THRAP3: variants seen among roughly 807,000 people sequenced by gnomAD.
THRAP3 encodes the protein thyroid hormone receptor-associated protein 3.
Under a neutral mutation model 101.0 loss-of-function variants are expected in THRAP3, and 16 were observed. That is an observed-to-expected ratio of 0.16 (90% CI 0.11 to 0.24). The LOEUF (loss-of-function observed/expected upper bound fraction) is 0.24. THRAP3 is among the 10% of genes least tolerant of loss of function. The probability of loss-of-function intolerance (pLI) is 1.00; values close to 1 mark genes in which losing one functional copy is unlikely to be tolerated. For missense variants in THRAP3, 989 were observed against 1,202.7 expected (o/e 0.82, Z 2.63); for synonymous variants, 407 against 422.6 (o/e 0.96, Z 0.45).
In THRAP3 at chr1:36,293,892, T is replaced by C. The variant is rs199905984; in HGVS notation, c.2072T>C (p.Leu691Ser). ...CCCAGTACATTCAGAAAACATGGTT[T>C]GGCTCATGATGAAATGAAAAGTCCC... ...ISPSTFRKHG[L>S]AHDEMKSPRE... The change falls in exon 8 of 12, where the codon TTG becomes TCG. Residue 691 changes from leucine (L) to serine (S), a missense_variant. Physicochemically the swap from Leu to Ser is moderately radical, Grantham distance 145. Coordinates refer to ENST00000354618, the MANE Select transcript of THRAP3 (RefSeq NM_005119.4). 6.2e-7 allele frequency: 1 copy of C among 1,613,886 alleles called. No homozygotes were observed. The highest frequency in any genetic ancestry group is 1.7e-5 in the Admixed American group (1 of 60,006).
chr1:36,288,126 GC>G, intron 4 of THRAP3: 1 of 984,288 alleles, frequency 1.0e-6, no homozygotes, highest in Non-Finnish European at 1.2e-6. Context: ...ATCTGTACTT[GC>G]CTTCAGTAAG....
the THRAP3 span, among the ~76,000 whole-genome samples, chr1:36,215,977 G>A: frequency 2.6e-5 from 4 of 151,892 alleles, no homozygotes; most frequent in Middle Eastern, 3.4e-3. Context: ...TCAAACTCCC[G>A]ACCTCAGGTG....
intron 2 of THRAP3, among the ~76,000 whole-genome samples, chr1:36,266,850 A>ATATTTATT (rs71796650): frequency 0.075 from 10,862 of 144,198 alleles, 479 homozygotes; most frequent in Middle Eastern, 0.12. Context: ...TATAATACGA[A>ATATTTATT]TATTTATTTA....
chr1:36,280,986 C>T (rs952322761), intron 2 of THRAP3, among the ~76,000 whole-genome samples: 11 of 149,304 alleles, frequency 7.4e-5, no homozygotes, highest in Admixed American at 3.3e-4. Flanking sequence ...AGTGCAATGG[C>T]GCGATCTTGG....
chr1:36,223,723 G>A (rs762439399), upstream of THRAP3, among the ~76,000 whole-genome samples: 5 of 152,152 alleles, frequency 3.3e-5, no homozygotes, highest in Non-Finnish European at 7.3e-5. Flanking sequence ...CAATACCCCA[G>A]TAGCACCCAT....
Position 36,303,902 on chromosome 1 carries a change from C to T in THRAP3, c.2753C>T (p.Thr918Ile). ...CGGTTCATGTTCCGGAAATCAAGTA[C>T]CAGCCCCAAGTGGGCCCATGACAAG... Reference protein sequence around the residue: ...RGRFMFRKSSTSPKWAHDKFS... With the variant: ...RGRFMFRKSSISPKWAHDKFS... Residue 918 changes from threonine to isoleucine, a missense_variant, in exon 12 of 12, where the codon ACC becomes ATC. Coordinates refer to ENST00000354618, the MANE Select transcript of THRAP3 (RefSeq NM_005119.4). The T allele has an allele frequency of 6.2e-7, 1 of 1,613,626 alleles. No individual in the cohort carries two copies. The highest frequency in any genetic ancestry group is 8.5e-7 in the Non-Finnish European group (1 of 1,179,810).
upstream of THRAP3, among the ~76,000 whole-genome samples, chr1:36,220,614 A>G (rs565326289): frequency 3.3e-5 from 5 of 152,182 alleles, no homozygotes; most frequent in African/African-American, 1.2e-4. Flanking sequence ...AACCCAGTGC[A>G]GGAAAATCAC....
the THRAP3 span, among the ~76,000 whole-genome samples, chr1:36,216,337 T>C: frequency 6.6e-6 from 1 of 150,902 alleles, no homozygotes; most frequent in Non-Finnish European, 1.5e-5. Context: ...CTGGCCAACA[T>C]GGTGAAACCC....
Position 36,241,192 on chromosome 1 carries a change from C to CAA in THRAP3, c.-135+16703_-135+16704dup, listed in dbSNP as rs35954224. 5.1e-3 allele frequency among the ~76,000 whole-genome samples: 633 copies of CAA among 122,990 alleles called. 6 individuals are homozygous for CAA. The highest frequency in any genetic ancestry group is 0.025 in the Middle Eastern group (6 of 238). 80.7% of individuals were successfully genotyped at this position (122,990 alleles called of 152,430 possible). A position where few individuals can be genotyped will look rare whatever the true frequency, so the allele number is the denominator to read the frequency against. The stretch of plus-strand genomic sequence containing the variant: ...TGGGCGACAGTGCAAGACTCCGTTT[C>CAA]AAAAAAAAAAAAAAAAAGATTTTTA... On this transcript the variant is annotated intron_variant, in intron 1 of 11. Coordinates refer to ENST00000354618, the MANE Select transcript of THRAP3 (RefSeq NM_005119.4).
rs116805507 is a variant in THRAP3, at chr1:36,263,359, C to G, written c.-32+3875C>G. Among the ~76,000 whole-genome samples the G allele has an allele frequency of 5.6e-3, 859 of 152,240 alleles. 11 individuals are homozygous for G. The highest frequency in any genetic ancestry group is 0.019 in the African/African-American group (798 of 41,534). ...AAGTGATCCACCCGCCTTGGCCTCT[C>G]AAAGTGCTAGGATTTCAGGGGTGAG... On this transcript the variant is annotated intron_variant, in intron 2 of 11. Transcript: ENST00000354618.
chr1:36,284,084 C>A (rs1262725874), intron 3 of THRAP3, among the ~76,000 whole-genome samples: 1 of 152,130 alleles, frequency 6.6e-6, no homozygotes, highest in Non-Finnish European at 1.5e-5. Flanking sequence ...AAAATTTAAT[C>A]TAGTAACTAG....
At chr1:36,300,636 CT>C (rs1646020224) in intron 9 of THRAP3, among the ~76,000 whole-genome samples, 1 of 152,124 alleles carries the variant, frequency 6.6e-6, no homozygotes, top group Non-Finnish European at 1.5e-5. Context: ...TGTTTTGTTC[CT>C]GCTTCTATGT....
chr1:36,267,328 A>C (rs1030373550), intron 2 of THRAP3, among the ~76,000 whole-genome samples: 7 of 152,306 alleles, frequency 4.6e-5, no homozygotes, highest in Admixed American at 4.6e-4. Context: ...TGAAGTAGTA[A>C]AAAAGGAATG....
At chr1:36,299,008 G>C (rs1271249123) in intron 9 of THRAP3, among the ~76,000 whole-genome samples, 1 of 151,988 alleles carries the variant, frequency 6.6e-6, no homozygotes, top group Non-Finnish European at 1.5e-5. Flanking sequence ...TGCCCAGGAT[G>C]GTCTAGAACT....
chr1:36,265,835 C>A (rs982550686), intron 2 of THRAP3, among the ~76,000 whole-genome samples: 51 of 151,968 alleles, frequency 3.4e-4, no homozygotes, highest in Admixed American at 1.4e-3. Context: ...CCCTTTGCCC[C>A]CTACCCCCTA....
chr1:36,231,150 G>T (rs186466623), intron 1 of THRAP3, among the ~76,000 whole-genome samples: 38 of 151,852 alleles, frequency 2.5e-4, no homozygotes, highest in African/African-American at 8.7e-4. Flanking sequence ...CATTATCATT[G>T]ACCTTTTTTT....
In THRAP3 at chr1:36,286,666, T is replaced by A. The variant is rs747768943; in HGVS notation, c.436T>A (p.Ser146Thr). ...AAGGTCCAGGAGCCATTCTAGAAACTCTGATAAGTCGTCTTCTGACCGGTC... is the reference window on the plus strand; with the variant it reads ...AAGGTCCAGGAGCCATTCTAGAAACACTGATAAGTCGTCTTCTGACCGGTC... ...SPRSRSHSRN[S>T]DKSSSDRSRR... The change falls in exon 4 of 12, where the codon TCT becomes ACT. Residue 146 changes from serine (S) to threonine (T), a missense_variant. Coordinates refer to ENST00000354618, the MANE Select transcript of THRAP3 (RefSeq NM_005119.4). This position sits in a 1 kb window ranked among gnomAD's most constrained non-coding sequence, Gnocchi z 5.5. The A allele has an allele frequency of 6.2e-7, 1 of 1,614,154 alleles. No homozygotes were observed. The highest frequency in any genetic ancestry group is 1.1e-5 in the South Asian group (1 of 91,084).
chr1:36,219,147 C>T, the THRAP3 span, among the ~76,000 whole-genome samples: 3 of 151,676 alleles, frequency 2.0e-5, no homozygotes, highest in South Asian at 6.2e-4. Flanking sequence ...CAAAGAAGAT[C>T]AGATCAGTCA....
At chr1:36,232,495 T>C (rs1187152120) in intron 1 of THRAP3, among the ~76,000 whole-genome samples, 1 of 152,208 alleles carries the variant, frequency 6.6e-6, no homozygotes, top group Non-Finnish European at 1.5e-5. Flanking sequence ...TATTACTATA[T>C]GACATGATAT....
Sources: allele counts gnomAD v4.1 joint callset (sites outside exome capture counted in the v4.1 genomes callset), GRCh38; gene constraint gnomAD v4.1.1; non-coding constraint Gnocchi (gnomAD v3.1); transcripts MANE v1.5; gene names NCBI Gene and HGNC (gene_info 2026-07-23, HGNC 2026-07-21).